Variants in BAZ2B observed in about 807,000 individuals in gnomAD.
BAZ2B encodes the protein bromodomain adjacent to zinc finger domain 2B.
A neutral mutation model predicts 246.0 loss-of-function variants in BAZ2B; 91 were observed. That is an observed-to-expected ratio of 0.37 (90% CI 0.31 to 0.44). The LOEUF (loss-of-function observed/expected upper bound fraction) is 0.44. Ranked by LOEUF, BAZ2B falls within the 20% of genes least tolerant of loss-of-function variation. BAZ2B has a pLI of 1.00. For synonymous variants in BAZ2B, 855 were observed against 860.0 expected, an observed-to-expected ratio of 0.99 and a Z score of 0.10; for missense variants, 2,332 against 2,533.7, an observed-to-expected ratio of 0.92 and a Z score of 1.71.
At chr2:159,462,739 A>G in intron 3 of BAZ2B, 1 of 1,430,148 alleles carries the variant, frequency 7.0e-7, no homozygotes, top group Non-Finnish European at 9.9e-7. Flanking sequence ...CTGATCTCCA[A>G]CGACCATTCC....
chr2:159,428,103 A>ATAGC, intron 12 of BAZ2B, 61 bp from the exon 13 acceptor site: 1 of 1,466,826 alleles, frequency 6.8e-7, no homozygotes, highest in Non-Finnish European at 9.5e-7. Flanking sequence ...GCTTTGATGT[A>ATAGC]TAGCTAGCTT....
the BAZ2B span, among the ~76,000 whole-genome samples, chr2:159,666,064 T>A: frequency 6.6e-6 from 1 of 151,400 alleles, no homozygotes; most frequent in African/African-American, 2.4e-5. Flanking sequence ...ATGGGTCACG[T>A]TCTTCTTGTT....
At chr2:159,436,164 G>T (rs868214911) in intron 8 of BAZ2B, among the ~76,000 whole-genome samples, 2 of 151,988 alleles carry the variant, frequency 1.3e-5, no homozygotes, top group Non-Finnish European at 2.9e-5. Flanking sequence ...TTTTTTTATA[G>T]GTAGTAAGTT....
intron 1 of BAZ2B, among the ~76,000 whole-genome samples, chr2:159,590,743 G>A (rs1328134796): frequency 6.6e-6 from 1 of 152,108 alleles, no homozygotes; most frequent in East Asian, 1.9e-4. Flanking sequence ...TGCAAAGATG[G>A]GGGTGGGCAC....
chr2:159,697,337 G>A, the BAZ2B span, among the ~76,000 whole-genome samples: 1 of 151,858 alleles, frequency 6.6e-6, no homozygotes. Context: ...TTGACTCATT[G>A]GTTAATATAT....
At chr2:159,602,490 CTAAT>C (rs955833705) in intron 1 of BAZ2B, among the ~76,000 whole-genome samples, 2 of 151,918 alleles carry the variant, frequency 1.3e-5, no homozygotes, top group Non-Finnish European at 2.9e-5. Context: ...ACATTACTTC[CTAAT>C]TATTTTGCAT....
intron 27 of BAZ2B, among the ~76,000 whole-genome samples, chr2:159,359,139 G>C (rs532244427): frequency 2.6e-5 from 4 of 151,828 alleles, no homozygotes; most frequent in Non-Finnish European, 4.4e-5. Flanking sequence ...AGACACAAAA[G>C]GCCCTTCAAA....
At chr2:159,533,492 A>G (rs1559712317) in intron 2 of BAZ2B, among the ~76,000 whole-genome samples, 1 of 152,208 alleles carries the variant, frequency 6.6e-6, no homozygotes, top group Non-Finnish European at 1.5e-5. Context: ...TCAGCTTTAT[A>G]TATAACACAT....
chr2:159,428,268 T>C (rs1467799647), intron 12 of BAZ2B, 43 bp downstream of exon 12: 1 of 1,517,452 alleles, frequency 6.6e-7, no homozygotes, highest in Non-Finnish European at 9.1e-7. Flanking sequence ...ATGATCATGC[T>C]TAATAGGCAC....
the BAZ2B span, among the ~76,000 whole-genome samples, chr2:159,667,263 T>C: frequency 6.6e-6 from 1 of 151,770 alleles, no homozygotes; most frequent in Non-Finnish European, 1.5e-5. Flanking sequence ...TAATAATTTC[T>C]CCCCCATTTT....
chr2:159,546,198 C>T (rs1236718214), intron 2 of BAZ2B, among the ~76,000 whole-genome samples: 1 of 152,054 alleles, frequency 6.6e-6, no homozygotes, highest in African/African-American at 2.4e-5. Context: ...CACACAATTC[C>T]CACGTCATGG....
chr2:159,338,855 ATTC>A (rs1417847685), intron 31 of BAZ2B, among the ~76,000 whole-genome samples: 5 of 152,100 alleles, frequency 3.3e-5, no homozygotes, highest in African/African-American at 9.7e-5. Flanking sequence ...AGAAGTCAGT[ATTC>A]TTCTTCTAAA....
At chr2:159,570,378 T>C (rs935112336) in intron 1 of BAZ2B, among the ~76,000 whole-genome samples, 1 of 152,042 alleles carries the variant, frequency 6.6e-6, no homozygotes, top group Non-Finnish European at 1.5e-5. Flanking sequence ...AGAGACAAGG[T>C]TTCACTGTTG....
chr2:159,533,698 G>A (rs545070596), intron 2 of BAZ2B, among the ~76,000 whole-genome samples: 2 of 152,236 alleles, frequency 1.3e-5, no homozygotes, highest in Admixed American at 1.3e-4. Context: ...AAAACTAAAA[G>A]CAGAATCAGA....
the BAZ2B span, among the ~76,000 whole-genome samples, chr2:159,671,300 G>A: frequency 2.0e-5 from 3 of 151,976 alleles, no homozygotes; most frequent in African/African-American, 4.8e-5. Context: ...GGAGCTCCTC[G>A]CAATACTTTC....
chr2:159,354,606 C>A (rs776583042), intron 27 of BAZ2B, among the ~76,000 whole-genome samples: 1 of 152,184 alleles, frequency 6.6e-6, no homozygotes, highest in Admixed American at 6.5e-5. Context: ...ATGCCTCAGC[C>A]TCCCAAAGTG....
the BAZ2B span, among the ~76,000 whole-genome samples, chr2:159,687,206 T>C: frequency 1.3e-5 from 2 of 152,194 alleles, no homozygotes; most frequent in African/African-American, 4.8e-5. Context: ...GCACAAACTT[T>C]ATAAAACTCT....
At chr2:159,388,086 C>T (rs1383393024) in intron 21 of BAZ2B, among the ~76,000 whole-genome samples, 1 of 151,702 alleles carries the variant, frequency 6.6e-6, no homozygotes, top group African/African-American at 2.4e-5. Flanking sequence ...TGTAACTAAC[C>T]TGCACATTGT....
chr2:159,428,428 A>G lies in BAZ2B; in HGVS notation c.2256-9T>C. 6.3e-7 allele frequency: 1 copy of G among 1,599,844 alleles called. No individual in the cohort carries two copies. The highest frequency in any genetic ancestry group is 8.6e-7 in the Non-Finnish European group (1 of 1,169,450). On this transcript the variant is annotated splice_polypyrimidine_tract_variant and intron_variant, in intron 11 of 36. Transcript: ENST00000392783. ...TTGTCTCTCTCTGCCAGCTACACAT[A>G]ACAGAAATGAAGGTTATGACATACT...
Sources: allele counts gnomAD v4.1 joint callset (sites outside exome capture counted in the v4.1 genomes callset), GRCh38; gene constraint gnomAD v4.1.1; transcripts MANE v1.5; gene names NCBI Gene and HGNC (gene_info 2026-07-23, HGNC 2026-07-21).